The following STPG2 variants were observed in gnomAD, a reference collection of about 807,000 sequenced individuals.
The protein encoded by STPG2 is sperm tail PG-rich repeat containing 2.
STPG2 carries 56 observed loss-of-function variants against 54.2 expected under a neutral mutation model. That is an observed-to-expected ratio of 1.03 (90% CI 0.83 to 1.29). The LOEUF is 1.29. Among genes scored for constraint, STPG2 ranks in the 50% most tolerant of loss-of-function variants. STPG2 has a pLI of 0.00. For synonymous variants in STPG2, 200 were observed against 181.8 expected (o/e 1.10, Z -0.81); for missense variants, 596 against 544.9 (o/e 1.09, Z -0.93).
At position 97,740,586 on chromosome 4, in the gene STPG2, A is replaced by C. The variant is rs554976504; in HGVS notation, c.1205-27772T>G. Among the ~76,000 whole-genome samples the C allele has an allele frequency of 5.3e-5, 8 of 152,304 alleles. No homozygotes were observed. In the East Asian group the frequency reaches 1.5e-3, roughly 29 times the overall value. The stretch of plus-strand genomic sequence containing the variant: ...ACCAATAACAGACAAACAGAGAGCC[A>C]AATCATGAATGAACTCCCATTCACA... On this transcript the variant is annotated intron_variant, in intron 9 of 10. Transcript: ENST00000295268.
intron 4 of STPG2, among the ~76,000 whole-genome samples, chr4:97,457,071 C>A (rs556682606): frequency 6.6e-6 from 1 of 152,046 alleles, no homozygotes; most frequent in South Asian, 2.1e-4. Context: ...CCTACTGATC[C>A]GAATGATCAA....
intron 8 of STPG2, among the ~76,000 whole-genome samples, chr4:97,861,234 G>A (rs1317847010): frequency 6.6e-6 from 1 of 151,978 alleles, no homozygotes; most frequent in South Asian, 2.1e-4. Context: ...ATAGACATAT[G>A]AAAAAATGCT....
intron 8 of STPG2, among the ~76,000 whole-genome samples, chr4:97,887,889 G>A (rs1414949348): frequency 6.6e-6 from 1 of 152,174 alleles, no homozygotes; most frequent in Non-Finnish European, 1.5e-5. Flanking sequence ...GTGCAGCCTT[G>A]GGAAACTGCT....
At chr4:97,522,441 C>T (rs1203806122) in intron 4 of STPG2, among the ~76,000 whole-genome samples, 1 of 151,806 alleles carries the variant, frequency 6.6e-6, no homozygotes, top group Non-Finnish European at 1.5e-5. Flanking sequence ...GACACTTTTC[C>T]CAGTGTTTTA....
intron 7 of STPG2, among the ~76,000 whole-genome samples, chr4:97,968,734 C>T (rs755409799): frequency 7.9e-5 from 12 of 152,178 alleles, no homozygotes; most frequent in Non-Finnish European, 1.6e-4. Flanking sequence ...CAAAATTCAA[C>T]AGCCTTCATG....
At chr4:97,689,208 TATAAAAAGCTAC>T (rs1723288815) in intron 10 of STPG2, among the ~76,000 whole-genome samples, 3 of 152,140 alleles carry the variant, frequency 2.0e-5, no homozygotes, top group Admixed American at 1.3e-4. Flanking sequence ...TTTTTGTATT[TATAAAAAGCTAC>T]TTATCCTTAT....
intron 5 of STPG2, among the ~76,000 whole-genome samples, chr4:98,067,320 T>A (rs936484537): frequency 6.6e-6 from 1 of 152,206 alleles, no homozygotes; most frequent in East Asian, 1.9e-4. Flanking sequence ...AAAAATTATT[T>A]GAGCTTGAAG....
chr4:97,834,878 T>C (rs1728585397), intron 9 of STPG2, among the ~76,000 whole-genome samples: 1 of 152,000 alleles, frequency 6.6e-6, no homozygotes, highest in Non-Finnish European at 1.5e-5. Context: ...ACCCAATAGT[T>C]AGGCAGCAAT....
chr4:98,141,353 A>C lies in STPG2; in HGVS notation c.109+1689T>G, dbSNP rs902690149. ...CCTTCCTTTCCAGATGCAGGAGATA[A>C]TCAACTAAGAGCCAGGCACTCTTTT... On this transcript the variant is annotated intron_variant, in intron 1 of 10. Transcript: ENST00000295268. 2.2e-4 allele frequency among the ~76,000 whole-genome samples: 34 copies of C among 152,300 alleles called. 1 individual carries two copies. Among genetic ancestry groups the C allele is most frequent in the African/African-American group, 7.5e-4 (31 of 41,570 alleles).
intron 4 of STPG2, among the ~76,000 whole-genome samples, chr4:97,462,447 C>T (rs574259318): frequency 2.1e-4 from 32 of 151,950 alleles, no homozygotes; most frequent in Admixed American, 4.6e-4. Flanking sequence ...ACATACAATC[C>T]GCTGAGATTT....
chr4:98,088,118 G>C (rs1738578171), intron 5 of STPG2, among the ~76,000 whole-genome samples: 1 of 152,148 alleles, frequency 6.6e-6, no homozygotes, highest in African/African-American at 2.4e-5. Context: ...GAGAGGGATG[G>C]GATGAGGGAA....
intron 3 of STPG2, among the ~76,000 whole-genome samples, chr4:98,114,457 A>G (rs1411946434): frequency 6.6e-6 from 1 of 152,092 alleles, no homozygotes; most frequent in Non-Finnish European, 1.5e-5. Flanking sequence ...TTGATTTACT[A>G]TAGCCTATAC....
chr4:97,530,555 A>G (rs1026535693), intron 4 of STPG2, among the ~76,000 whole-genome samples: 1 of 152,034 alleles, frequency 6.6e-6, no homozygotes, highest in Non-Finnish European at 1.5e-5. Context: ...TAAAAAAGTG[A>G]ATATCATTCA....
At chr4:97,613,551 G>C (rs1440558476) in intron 10 of STPG2, among the ~76,000 whole-genome samples, 3 of 151,092 alleles carry the variant, frequency 2.0e-5, no homozygotes, top group African/African-American at 7.3e-5. Context: ...TTAGGGAATG[G>C]GGGGCATGGT....
intron 9 of STPG2, among the ~76,000 whole-genome samples, chr4:97,788,910 G>A (rs752564964): frequency 3.3e-5 from 5 of 151,892 alleles, no homozygotes; most frequent in Non-Finnish European, 4.4e-5. Flanking sequence ...TGTCTTGAAC[G>A]TAAATAAAGA....
chr4:97,964,519 C>T (rs783961), intron 7 of STPG2, among the ~76,000 whole-genome samples: 14,284 of 152,146 alleles, frequency 0.094, 921 homozygotes, highest in Middle Eastern at 0.2. Context: ...TTTGAGCACA[C>T]TTACATAGAA....
At chr4:97,849,014 T>C (rs915597206) in intron 8 of STPG2, among the ~76,000 whole-genome samples, 3 of 150,976 alleles carry the variant, frequency 2.0e-5, no homozygotes, top group African/African-American at 7.4e-5. Flanking sequence ...AACTTTAAAG[T>C]AGTTTTTCCC....
chr4:97,864,154 A>AT (rs1473799837), intron 8 of STPG2, among the ~76,000 whole-genome samples: 5 of 152,192 alleles, frequency 3.3e-5, no homozygotes, highest in African/African-American at 1.2e-4. Context: ...GAGGAAGTCA[A>AT]ATTGTCCCTG....
At chr4:98,017,902 T>C (rs1442394068) in intron 5 of STPG2, among the ~76,000 whole-genome samples, 2 of 152,182 alleles carry the variant, frequency 1.3e-5, no homozygotes, top group Non-Finnish European at 2.9e-5. Context: ...CCTGCTACCT[T>C]GTGAAGAAAA....
Sources: gnomAD v4.1 joint callset for allele counts (sites outside exome capture counted in the v4.1 genomes callset) on GRCh38, gnomAD v4.1.1 for gene constraint, MANE v1.5 for transcripts, NCBI Gene and HGNC (gene_info 2026-07-23, HGNC 2026-07-21) for gene names.